The following SUGCT variants were observed in gnomAD, a reference collection of about 807,000 sequenced individuals.
SUGCT encodes the protein succinyl-CoA:glutarate-CoA transferase.
Under a neutral mutation model 55.0 loss-of-function variants are expected in SUGCT, and 41 were observed. That is an observed-to-expected ratio of 0.74 (90% CI 0.58 to 0.97). SUGCT has a LOEUF of 0.97. Among genes scored for constraint, SUGCT ranks in the 50% least tolerant of loss-of-function variants. SUGCT has a pLI of 0.00. For synonymous variants in SUGCT, 187 were observed against 200.4 expected, an observed-to-expected ratio of 0.93 and a Z score of 0.56; for missense variants, 568 against 547.8, an observed-to-expected ratio of 1.04 and a Z score of -0.37.
chr7:40,703,449 C>T (rs917141795), intron 12 of SUGCT, among the ~76,000 whole-genome samples: 2 of 152,128 alleles, frequency 1.3e-5, no homozygotes, highest in African/African-American at 4.8e-5. Flanking sequence ...GTGAAGGTCA[C>T]CTCCTCTAAC....
intron 12 of SUGCT, among the ~76,000 whole-genome samples, chr7:40,617,843 T>C (rs1799081700): frequency 6.6e-6 from 1 of 152,198 alleles, no homozygotes; most frequent in African/African-American, 2.4e-5. Context: ...TTTCTTACAT[T>C]GTACTGATTG....
chr7:40,379,922 C>T (rs1399497798), intron 9 of SUGCT, among the ~76,000 whole-genome samples: 1 of 152,162 alleles, frequency 6.6e-6, no homozygotes, highest in Non-Finnish European at 1.5e-5. Flanking sequence ...GTTCATTCCT[C>T]AGATCTCCCT....
At chr7:40,616,643 G>T (rs1401747556) in intron 12 of SUGCT, among the ~76,000 whole-genome samples, 6 of 152,332 alleles carry the variant, frequency 3.9e-5, no homozygotes, top group African/African-American at 1.4e-4. Context: ...TGAAGTGCAT[G>T]GTGGATTGTG....
At chr7:40,463,356 T>C (rs982672197) in intron 11 of SUGCT, among the ~76,000 whole-genome samples, 1 of 152,216 alleles carries the variant, frequency 6.6e-6, no homozygotes, top group African/African-American at 2.4e-5. Context: ...CATTTATGGA[T>C]TTTTACAAAG....
chr7:40,880,715 G>A, the SUGCT span, among the ~76,000 whole-genome samples: 3 of 152,118 alleles, frequency 2.0e-5, no homozygotes, highest in Non-Finnish European at 2.9e-5. Context: ...GAATCTCTTC[G>A]TTGCCTTCCA....
At chr7:41,020,326 C>T in the SUGCT span, among the ~76,000 whole-genome samples, 1 of 152,082 alleles carries the variant, frequency 6.6e-6, no homozygotes, top group Non-Finnish European at 1.5e-5. Flanking sequence ...TGCAAGAGAA[C>T]GCATTTTCTA....
chr7:40,904,791 C>G, the SUGCT span, among the ~76,000 whole-genome samples: 1 of 152,170 alleles, frequency 6.6e-6, no homozygotes, highest in Non-Finnish European at 1.5e-5. Flanking sequence ...TAAGTATACA[C>G]ACATATATGT....
At chr7:40,390,153 T>C (rs1050793193) in intron 9 of SUGCT, among the ~76,000 whole-genome samples, 16 of 152,148 alleles carry the variant, frequency 1.1e-4, no homozygotes, top group African/African-American at 3.9e-4. Flanking sequence ...TATGAGCTAT[T>C]TATGACAAAC....
intron 12 of SUGCT, among the ~76,000 whole-genome samples, chr7:40,675,916 C>A (rs367845940): frequency 6.6e-6 from 1 of 152,110 alleles, no homozygotes; most frequent in Non-Finnish European, 1.5e-5. Flanking sequence ...CAAGTATAGA[C>A]AAGAAAGATG....
At chr7:40,445,487 G>A (rs911933023) in intron 9 of SUGCT, among the ~76,000 whole-genome samples, 6 of 152,088 alleles carry the variant, frequency 3.9e-5, no homozygotes, top group Non-Finnish European at 8.8e-5. Context: ...ATCAGGCTCC[G>A]AAATTGAGGC....
chr7:40,189,516 A>G, intron 4 of SUGCT, 28 bp from the exon 5 acceptor site: 1 of 826,396 alleles, frequency 1.2e-6, no homozygotes. Context: ...TCGAAATAAT[A>G]TATATATATA....
intron 12 of SUGCT, among the ~76,000 whole-genome samples, chr7:40,626,454 G>C (rs896118368): frequency 1.3e-5 from 2 of 150,554 alleles, no homozygotes; most frequent in Non-Finnish European, 3.0e-5. Context: ...AGGTTTCACT[G>C]TGTTAACCAG....
chr7:40,847,499 C>A (rs891440715), intron 13 of SUGCT, among the ~76,000 whole-genome samples: 3 of 149,052 alleles, frequency 2.0e-5, no homozygotes, highest in African/African-American at 2.5e-5. Context: ...TCACTGCAAC[C>A]TCCACCTTCC....
the SUGCT span, among the ~76,000 whole-genome samples, chr7:40,919,829 A>G: frequency 6.6e-6 from 1 of 152,192 alleles, no homozygotes; most frequent in East Asian, 1.9e-4. Context: ...CTACATGTTC[A>G]GAACACAGCC....
intron 6 of SUGCT, among the ~76,000 whole-genome samples, chr7:40,199,152 C>T (rs760832558): frequency 1.3e-5 from 2 of 152,060 alleles, no homozygotes; most frequent in Non-Finnish European, 2.9e-5. Context: ...CTTGTCAGTG[C>T]TGTCCAAGCC....
chr7:40,958,161 G>T, the SUGCT span, among the ~76,000 whole-genome samples: 2 of 152,072 alleles, frequency 1.3e-5, no homozygotes, highest in African/African-American at 2.4e-5. Flanking sequence ...TTCTTAAAGA[G>T]TATCTTTGTG....
intron 6 of SUGCT, among the ~76,000 whole-genome samples, chr7:40,234,878 C>T (rs865961881): frequency 1.3e-5 from 2 of 150,662 alleles, no homozygotes; most frequent in Non-Finnish European, 2.9e-5. Context: ...CACTGCGCTC[C>T]GGTCTGGGTG....
chr7:40,342,269 C>T (rs772754199), intron 9 of SUGCT, among the ~76,000 whole-genome samples: 13 of 152,030 alleles, frequency 8.6e-5, no homozygotes, highest in African/African-American at 1.9e-4. Context: ...AATACAGGGA[C>T]GAAAGGGGAC....
intron 9 of SUGCT, among the ~76,000 whole-genome samples, chr7:40,348,657 A>G (rs1797455962): frequency 6.6e-6 from 1 of 151,980 alleles, no homozygotes; most frequent in Admixed American, 6.6e-5. Context: ...CTGTCCTTTC[A>G]TCCTTTCATA....
Sources: allele counts gnomAD v4.1 joint callset (sites outside exome capture counted in the v4.1 genomes callset), GRCh38; gene constraint gnomAD v4.1.1; transcripts MANE v1.5; gene names NCBI Gene and HGNC (gene_info 2026-07-23, HGNC 2026-07-21).